The following AAK1 variants were observed in gnomAD, a reference collection of about 807,000 sequenced individuals.
AAK1 encodes the protein AP2-associated protein kinase 1.
In AAK1, 37 loss-of-function variants were observed where a neutral mutation model predicts 116.0. The ratio of observed to expected loss-of-function variants is 0.32; its 90% CI spans 0.25 to 0.42. The LOEUF is 0.42. Among genes scored for constraint, AAK1 ranks in the 10% least tolerant of loss-of-function variants. The probability of loss-of-function intolerance (pLI) is 1.00; values close to 1 mark genes in which losing one functional copy is unlikely to be tolerated. For missense variants in AAK1, 919 were observed against 1,170.6 expected (o/e 0.79, Z 3.14); for synonymous variants, 458 against 439.9 (o/e 1.04, Z -0.51).
At chr2:69,572,262 A>C (rs1558971131) in intron 2 of AAK1, among the ~76,000 whole-genome samples, 1 of 152,086 alleles carries the variant, frequency 6.6e-6, no homozygotes, top group Non-Finnish European at 1.5e-5. Context: ...TGAGCACAAC[A>C]CTGTTACTGA....
chr2:69,533,163 T>C (rs1341392973), intron 5 of AAK1, among the ~76,000 whole-genome samples: 1 of 151,988 alleles, frequency 6.6e-6, no homozygotes, highest in Non-Finnish European at 1.5e-5. Context: ...AAGGCAAGAG[T>C]AGACTATAAA....
At chr2:69,544,257 G>A (rs1670836233) in intron 4 of AAK1, 179 bp downstream of exon 4, 3 of 567,384 alleles carry the variant, frequency 5.3e-6, no homozygotes, top group South Asian at 2.5e-5. Context: ...TATTATCTAC[G>A]TTTGTACCGT....
At chr2:69,503,552 C>T (rs1293054308) in intron 16 of AAK1, among the ~76,000 whole-genome samples, 3 of 152,140 alleles carry the variant, frequency 2.0e-5, no homozygotes, top group Admixed American at 6.5e-5. Flanking sequence ...CAGGATCTCA[C>T]GCTGTTGCCC....
At chr2:69,594,103 G>A (rs370211929) in intron 2 of AAK1, among the ~76,000 whole-genome samples, 3 of 152,358 alleles carry the variant, frequency 2.0e-5, no homozygotes, top group East Asian at 1.9e-4. Flanking sequence ...GTTGGAATCC[G>A]CTTTTGTGAG....
At chr2:69,548,883 G>A (rs1336178544) in intron 3 of AAK1, among the ~76,000 whole-genome samples, 4 of 151,784 alleles carry the variant, frequency 2.6e-5, no homozygotes, top group Non-Finnish European at 4.4e-5. Context: ...TACTACAAGC[G>A]TGAGCCACCA....
chr2:69,566,427 C>G (rs1671873884), intron 2 of AAK1, among the ~76,000 whole-genome samples: 1 of 151,948 alleles, frequency 6.6e-6, no homozygotes, highest in Non-Finnish European at 1.5e-5. Flanking sequence ...AGTCCTTTCC[C>G]CAAGCAGATA....
At chr2:69,586,044 G>A (rs966073333) in intron 2 of AAK1, among the ~76,000 whole-genome samples, 2 of 152,106 alleles carry the variant, frequency 1.3e-5, no homozygotes, top group Non-Finnish European at 2.9e-5. Context: ...ACTGCCCCAA[G>A]GGGTCTGGGA....
In AAK1 at chr2:69,459,916, C is replaced by T. The variant is rs1674299966; in HGVS notation, c.*15953G>A. ...AACAAAACAAAACTACAAGTATCAGCTGAGAAAGACAAAGAAAAAACTAAG... is the reference window on the plus strand; with the variant it reads ...AACAAAACAAAACTACAAGTATCAGTTGAGAAAGACAAAGAAAAAACTAAG... On this transcript the variant is annotated 3_prime_UTR_variant, in exon 22 of 22. Transcript: ENST00000409085. The T allele has an allele frequency of 6.6e-6, 1 of 152,030 alleles. No individual in the cohort carries two copies. 9.4% of individuals were successfully genotyped at this position (152,030 alleles called of 1,614,324 possible). A position where few individuals can be genotyped will look rare whatever the true frequency, so the allele number is the denominator to read the frequency against.
intron 2 of AAK1, among the ~76,000 whole-genome samples, chr2:69,636,811 T>G (rs1314401525): frequency 6.6e-6 from 1 of 152,050 alleles, no homozygotes. Context: ...GCGATTCTGC[T>G]GCCTTAGCCT....
chr2:69,531,461 C>T (rs1670253134), intron 6 of AAK1: 1 of 355,152 alleles, frequency 2.8e-6, no homozygotes, highest in Non-Finnish European at 3.9e-6. Context: ...ATAGCGAGTG[C>T]TGTTGCCTGT....
At chr2:69,532,246 AC>A in intron 5 of AAK1, 84 bp from the exon 6 acceptor site, 1 of 1,528,622 alleles carries the variant, frequency 6.5e-7, no homozygotes, top group Non-Finnish European at 9.0e-7. Context: ...ACATAAATAA[AC>A]GTTTTATTTC....
chr2:69,535,763 T>C (rs1292923947), intron 5 of AAK1, among the ~76,000 whole-genome samples: 2 of 151,970 alleles, frequency 1.3e-5, no homozygotes, highest in Non-Finnish European at 2.9e-5. Flanking sequence ...GCTGGAATAG[T>C]GCTATGCATA....
intron 2 of AAK1, among the ~76,000 whole-genome samples, chr2:69,608,471 T>C (rs751950599): frequency 1.3e-5 from 2 of 152,236 alleles, no homozygotes; most frequent in African/African-American, 4.8e-5. Flanking sequence ...TAAAACTATG[T>C]TCAGAATAAG....
rs1360579893 is a variant in AAK1, at chr2:69,469,122, T to G, written c.*6747A>C. On this transcript the variant is annotated 3_prime_UTR_variant, in exon 22 of 22. Coordinates refer to ENST00000409085, the MANE Select transcript of AAK1 (RefSeq NM_014911.5). ...GAAAAGTACATTTAAAGGGTTGTCC[T>G]GAGAAGGCCAAGTCCCTTAACCTTT... 3 of 985,406 alleles carry G rather than the reference T, an allele frequency of 3.0e-6. No homozygotes were observed. The highest frequency in any genetic ancestry group is 3.6e-6 in the Non-Finnish European group (3 of 829,932). The allele number at this position is 985,406 out of a possible 1,614,324, so 61.0% of individuals were successfully genotyped here. A position where few individuals can be genotyped will look rare whatever the true frequency, so the allele number is the denominator to read the frequency against.
At chr2:69,637,117 T>A (rs1675482855) in intron 2 of AAK1, among the ~76,000 whole-genome samples, 1 of 152,254 alleles carries the variant, frequency 6.6e-6, no homozygotes, top group African/African-American at 2.4e-5. Flanking sequence ...CAGTAAGCAG[T>A]TATTTTTCTG....
Position 69,471,851 on chromosome 2 carries a change from A to T in AAK1, c.*4018T>A, listed in dbSNP as rs1380263277. The stretch of plus-strand genomic sequence containing the variant: ...GGAAGGTTATATTGGTTGATCAATT[A>T]TCTGTCAGGAGAGTAGGAAATAAGT... On this transcript the variant is annotated 3_prime_UTR_variant, in exon 22 of 22. Coordinates refer to ENST00000409085, the MANE Select transcript of AAK1 (RefSeq NM_014911.5). The T allele has an allele frequency of 3.0e-6, 3 of 985,318 alleles. No homozygotes were observed. Among genetic ancestry groups the T allele is most frequent in the Non-Finnish European group, 3.6e-6 (3 of 829,926 alleles). 61.0% of individuals were successfully genotyped at this position (985,318 alleles called of 1,614,324 possible). A position where few individuals can be genotyped will look rare whatever the true frequency, so the allele number is the denominator to read the frequency against.
chr2:69,631,119 C>T (rs1404316422), intron 2 of AAK1, among the ~76,000 whole-genome samples: 2 of 152,190 alleles, frequency 1.3e-5, no homozygotes, highest in African/African-American at 4.8e-5. Flanking sequence ...CTGCTCAGGC[C>T]CCAGTCCTCC....
chr2:69,498,880 G>C (rs1046566842), intron 16 of AAK1, among the ~76,000 whole-genome samples: 1 of 152,208 alleles, frequency 6.6e-6, no homozygotes, highest in Non-Finnish European at 1.5e-5. Context: ...CAGGTGTGCA[G>C]GAACTTCCCA....
chr2:69,548,575 TTC>T (rs966914075), intron 3 of AAK1, among the ~76,000 whole-genome samples: 11 of 149,910 alleles, frequency 7.3e-5, no homozygotes, highest in Admixed American at 4.7e-4. Flanking sequence ...CTTTCTTTCT[TTC>T]TCTCTCTCTC....
Sources: gnomAD v4.1 joint callset for allele counts (sites outside exome capture counted in the v4.1 genomes callset) on GRCh38, gnomAD v4.1.1 for gene constraint, MANE v1.5 for transcripts, NCBI Gene and HGNC (gene_info 2026-07-23, HGNC 2026-07-21) for gene names.